FILIP1L: variants seen among roughly 807,000 people sequenced by gnomAD.
The protein encoded by FILIP1L is filamin A interacting protein 1 like.
In FILIP1L, 55 loss-of-function variants were observed where a neutral mutation model predicts 96.6. The observed-to-expected ratio is 0.57, with a 90% CI of 0.46 to 0.71. The LOEUF (loss-of-function observed/expected upper bound fraction) is 0.71, where lower values mean the gene tolerates loss of function less well. Among genes scored for constraint, FILIP1L ranks in the 30% least tolerant of loss-of-function variants. The probability of loss-of-function intolerance (pLI) is 0.00; values close to 1 mark genes in which losing one functional copy is unlikely to be tolerated. For missense variants in FILIP1L, 1,304 were observed against 1,321.2 expected, an observed-to-expected ratio of 0.99 and a Z score of 0.20; for synonymous variants, 467 against 473.9, an observed-to-expected ratio of 0.99 and a Z score of 0.19.
rs12330859 is a variant in FILIP1L, at chr3:100,065,561, C to A, written c.-11+48492G>T. 5.9e-3 allele frequency among the ~76,000 whole-genome samples: 897 copies of A among 152,310 alleles called. 9 individuals are homozygous for A. The highest frequency in any genetic ancestry group is 0.02 in the African/African-American group (845 of 41,574). On this transcript the variant is annotated intron_variant, in intron 1 of 5. Coordinates refer to ENST00000477258, the MANE Select transcript of FILIP1L (RefSeq NM_001387850.1). ...AAGCCATTTTTTCTAAGATTTCATT[C>A]TTGGTCTTCCACTTTTCATCTTACT...
intron 3 of FILIP1L, among the ~76,000 whole-genome samples, chr3:99,929,534 G>T (rs1374630836): frequency 6.6e-6 from 1 of 151,646 alleles, no homozygotes; most frequent in African/African-American, 2.4e-5. Context: ...GTGTGTGTGT[G>T]TGTGTGTAAG....
intron 1 of FILIP1L, among the ~76,000 whole-genome samples, chr3:99,983,148 C>G (rs1709176951): frequency 6.6e-6 from 1 of 151,408 alleles, no homozygotes; most frequent in Non-Finnish European, 1.5e-5. Context: ...GCCTTAAGTG[C>G]CATTTGAAAA....
chr3:100,050,964 C>T (rs956267136), intron 1 of FILIP1L, among the ~76,000 whole-genome samples: 1 of 152,164 alleles, frequency 6.6e-6, no homozygotes, highest in Non-Finnish European at 1.5e-5. Context: ...TCTATAATGC[C>T]CTCTACCAAA....
chr3:99,928,150 G>T, intron 3 of FILIP1L, among the ~76,000 whole-genome samples: 1 of 152,216 alleles, frequency 6.6e-6, no homozygotes, highest in Non-Finnish European at 1.5e-5. Flanking sequence ...AGTCACAGCT[G>T]GTCTCAGCAG....
intron 1 of FILIP1L, among the ~76,000 whole-genome samples, chr3:99,935,321 C>G (rs1160592994): frequency 6.6e-6 from 1 of 150,858 alleles, no homozygotes; most frequent in Non-Finnish European, 1.5e-5. Context: ...ATACTTTACT[C>G]TTCATGAAGT....
chr3:100,030,477 G>T (rs1438309298), intron 1 of FILIP1L, among the ~76,000 whole-genome samples: 1 of 152,012 alleles, frequency 6.6e-6, no homozygotes, highest in African/African-American at 2.4e-5. Flanking sequence ...CCTACTTAAG[G>T]CATTATTGCT....
rs138564499 is a variant in FILIP1L, at chr3:100,017,917, T to G, written c.-10-86887A>C. On this transcript the variant is annotated intron_variant, in intron 1 of 5. Transcript: ENST00000477258. ...TTTCCTGGATCTGTAGCTTGCAAATTGCAGATTGTGGAACTTCTCAGCCTC... is the reference window on the plus strand; with the variant it reads ...TTTCCTGGATCTGTAGCTTGCAAATGGCAGATTGTGGAACTTCTCAGCCTC... 1.9e-3 allele frequency among the ~76,000 whole-genome samples: 286 copies of G among 152,312 alleles called. 6 individuals carry two copies. In the East Asian group the frequency reaches 0.025, roughly 13 times the overall value.
chr3:100,087,444 G>A (rs1196015995), intron 1 of FILIP1L, among the ~76,000 whole-genome samples: 1 of 152,110 alleles, frequency 6.6e-6, no homozygotes, highest in African/African-American at 2.4e-5. Flanking sequence ...TCTAATAGTG[G>A]TATCTCCTTG....
At chr3:99,902,879 G>GA (rs1237630370) in intron 4 of FILIP1L, among the ~76,000 whole-genome samples, 3 of 151,928 alleles carry the variant, frequency 2.0e-5, no homozygotes, top group South Asian at 2.1e-4. Flanking sequence ...GATTAAAGAG[G>GA]AAAAAAATCT....
intron 1 of FILIP1L, among the ~76,000 whole-genome samples, chr3:100,072,290 G>T (rs2065775678): frequency 1.3e-5 from 2 of 152,198 alleles, no homozygotes; most frequent in African/African-American, 2.4e-5. Context: ...ATTGATAGGA[G>T]ATAATTTTCT....
chr3:100,109,087 T>TA (rs5851196), intron 1 of FILIP1L, among the ~76,000 whole-genome samples: 310 of 144,878 alleles, frequency 2.1e-3, no homozygotes, highest in Middle Eastern at 7.0e-3. Context: ...AACTGTCTCT[T>TA]AAAAAAAAAA....
chr3:99,998,435 G>A (rs1211198616), intron 1 of FILIP1L, among the ~76,000 whole-genome samples: 3 of 152,230 alleles, frequency 2.0e-5, no homozygotes, highest in East Asian at 1.9e-4. Flanking sequence ...CTATATATAC[G>A]TACTCAAAGA....
chr3:99,962,290 A>T (rs1708516296), intron 1 of FILIP1L, among the ~76,000 whole-genome samples: 1 of 152,148 alleles, frequency 6.6e-6, no homozygotes, highest in South Asian at 2.1e-4. Flanking sequence ...CAGTGGGAAG[A>T]TGAGGTCGCA....
chr3:100,033,913 CA>C (rs2065063037), intron 1 of FILIP1L, among the ~76,000 whole-genome samples: 1 of 152,066 alleles, frequency 6.6e-6, no homozygotes, highest in African/African-American at 2.4e-5. Flanking sequence ...TGAGCAGTAC[CA>C]AAATCCAGTT....
At chr3:100,012,529 T>A (rs1410538098) in intron 1 of FILIP1L, among the ~76,000 whole-genome samples, 2 of 152,002 alleles carry the variant, frequency 1.3e-5, no homozygotes. Context: ...TAGAAACTTA[T>A]GGGAATAAGA....
chr3:100,040,355 A>T (rs542529657), intron 1 of FILIP1L: 1 of 152,230 alleles, frequency 6.6e-6, no homozygotes, highest in Non-Finnish European at 1.5e-5. Context: ...CATAAACAGT[A>T]TATTAAAGTT....
chr3:99,845,263 T>C (rs1370673195), intron 5 of FILIP1L, among the ~76,000 whole-genome samples: 4 of 152,192 alleles, frequency 2.6e-5, no homozygotes, highest in Non-Finnish European at 5.9e-5. Flanking sequence ...GGGAAAGTTT[T>C]GCCATTGCTT....
intron 4 of FILIP1L, among the ~76,000 whole-genome samples, chr3:99,900,393 C>A (rs1576558352): frequency 1.3e-5 from 2 of 152,232 alleles, no homozygotes; most frequent in African/African-American, 2.4e-5. Context: ...TTCATTTAAT[C>A]TTTACAGCAG....
chr3:100,087,828 T>C (rs977562309), intron 1 of FILIP1L, among the ~76,000 whole-genome samples: 1 of 149,226 alleles, frequency 6.7e-6, no homozygotes, highest in African/African-American at 2.5e-5. Context: ...TCCTATTGTT[T>C]CAACTTTTTT....
Sources: gnomAD v4.1 joint callset for allele counts (sites outside exome capture counted in the v4.1 genomes callset) on GRCh38, gnomAD v4.1.1 for gene constraint, MANE v1.5 for transcripts, NCBI Gene and HGNC (gene_info 2026-07-23, HGNC 2026-07-21) for gene names.